SMAD6: variants seen among roughly 807,000 people sequenced by gnomAD.
SMAD6 encodes SMAD family member 6, also known as MAD homolog 6.
Under a neutral mutation model 39.4 loss-of-function variants are expected in SMAD6, and 103 were observed. That is an observed-to-expected ratio of 2.62 (90% CI 2.23 to 3.08). The LOEUF is 3.08. Ranked by LOEUF, SMAD6 falls within the 30% of genes most tolerant of loss-of-function variation. The probability of loss-of-function intolerance (pLI) is 0.00; values close to 1 mark genes in which losing one functional copy is unlikely to be tolerated. For missense variants in SMAD6, 1,104 were observed against 742.9 expected, an observed-to-expected ratio of 1.49 and a Z score of -5.65; for synonymous variants, 445 against 353.3, an observed-to-expected ratio of 1.26 and a Z score of -2.91.
rs764124420 is a variant in SMAD6 at position 66,781,391 on chromosome 15, G to C, written c.1347G>C (p.Ala449=). The change falls in exon 4 of 4, where the codon GCG becomes GCC. Residue 449 remains alanine, a synonymous_variant. Transcript: ENST00000288840. The part of the protein sequence containing the change: ...FDFERSGLQH[A]PEPDAADGPY... ...TCGAGCGCTCGGGCCTGCAGCACGC[G>C]CCCGAGCCCGACGCCGCCGACGGCC... 1 of 1,601,768 alleles carries C rather than the reference G, an allele frequency of 6.2e-7. No homozygotes were observed. Among genetic ancestry groups the C allele is most frequent in the Non-Finnish European group, 8.5e-7 (1 of 1,177,678 alleles).
intron 3 of SMAD6, among the ~76,000 whole-genome samples, chr15:66,743,813 T>A (rs992988188): frequency 1.3e-5 from 2 of 152,310 alleles, no homozygotes; most frequent in African/African-American, 4.8e-5. Context: ...GTTTTGTAGC[T>A]CTTTTCTCTT....
rs752656504 is a variant in SMAD6, at chr15:66,781,262, C to A, written c.1218C>A (p.Gly406=). The A allele has an allele frequency of 6.2e-7, 1 of 1,607,934 alleles. No homozygotes were observed. The highest frequency in any genetic ancestry group is 1.1e-5 in the South Asian group (1 of 91,056). ...ACGGCGTGTGGGCCTACAACCGCGG[C>A]GAGCACCCCATCTTCGTCAACTCCC... ...EPDGVWAYNR[G]EHPIFVNSPT... is the part of the protein sequence containing the mutation. Residue 406 remains glycine (G), a synonymous_variant, in exon 4 of 4, where the codon GGC becomes GGA. Transcript: ENST00000288840.
At chr15:66,776,131 G>A (rs960999519) in intron 3 of SMAD6, among the ~76,000 whole-genome samples, 2 of 152,206 alleles carry the variant, frequency 1.3e-5, no homozygotes, top group African/African-American at 4.8e-5. Context: ...CACTCACTGG[G>A]CACCTCTTTC....
At chr15:66,732,044 A>G (rs1305138193) in intron 3 of SMAD6, among the ~76,000 whole-genome samples, 2 of 151,286 alleles carry the variant, frequency 1.3e-5, no homozygotes, top group Non-Finnish European at 2.9e-5. Flanking sequence ...CCCGGGTTCA[A>G]GTGATTCTTG....
intron 3 of SMAD6, among the ~76,000 whole-genome samples, chr15:66,774,145 C>T (rs981361311): frequency 6.6e-6 from 1 of 152,184 alleles, no homozygotes; most frequent in African/African-American, 2.4e-5. Context: ...GAGTCCAAGG[C>T]AGTCTGGCCA....
chr15:66,776,323 A>G (rs1248370737), intron 3 of SMAD6, among the ~76,000 whole-genome samples: 1 of 152,236 alleles, frequency 6.6e-6, no homozygotes, highest in Non-Finnish European at 1.5e-5. Flanking sequence ...GAGCCCGTAA[A>G]CAAGGCACCT....
intron 3 of SMAD6, among the ~76,000 whole-genome samples, chr15:66,734,992 G>T (rs567201040): frequency 1.3e-5 from 2 of 152,222 alleles, no homozygotes; most frequent in African/African-American, 4.8e-5. Context: ...AGGTAGGACC[G>T]CCCAGGGTCC....
At chr15:66,779,754 GCT>G (rs1029321110) in intron 3 of SMAD6, among the ~76,000 whole-genome samples, 33 of 152,382 alleles carry the variant, frequency 2.2e-4, no homozygotes, top group African/African-American at 7.7e-4. Flanking sequence ...GCTTTGCTTT[GCT>G]CTGTCAAGCC....
intron 3 of SMAD6, among the ~76,000 whole-genome samples, chr15:66,749,059 C>G (rs1231912883): frequency 6.6e-6 from 1 of 152,180 alleles, no homozygotes; most frequent in Non-Finnish European, 1.5e-5. Flanking sequence ...TGTGGTGGTT[C>G]ATGCCTGTAA....
chr15:66,735,254 G>C (rs182985695), intron 3 of SMAD6, among the ~76,000 whole-genome samples: 8 of 152,228 alleles, frequency 5.3e-5, no homozygotes, highest in African/African-American at 1.9e-4. Context: ...ATGGCCGGGT[G>C]CCTGCCTATT....
rs1595756885 is a variant in SMAD6 at position 66,703,671 on chromosome 15, C to T, written c.413C>T (p.Pro138Leu). 1 of 1,232,632 alleles carries T rather than the reference C, an allele frequency of 8.1e-7. No individual in the cohort carries two copies. Among genetic ancestry groups the T allele is most frequent in the Non-Finnish European group, 1.0e-6 (1 of 987,092 alleles). 76.4% of individuals were successfully genotyped at this position (1,232,632 alleles called of 1,614,324 possible). ...TCGGAGCGGGACGCCGCCGGCGCGC[C>T]CCGGGACGCCAGCGACCCCCTGGCC... ...LFSERDAAGA[P>L]RDASDPLAGA... The change falls in exon 1 of 4, where the codon CCC becomes CTC. Residue 138 changes from proline to leucine, a missense_variant. Coordinates refer to ENST00000288840, the MANE Select transcript of SMAD6 (RefSeq NM_005585.5).
Position 66,702,590 on chromosome 15 carries a change from C to A in SMAD6, c.-669C>A, listed in dbSNP as rs1204622583. ...GCTTCCACTCATGTGTTGACACCCG[C>A]GTCCAGGAGAAACTCGCTCCAAGTG... On this transcript the variant is annotated 5_prime_UTR_variant, in exon 1 of 4. Transcript: ENST00000288840. 1 of 152,530 alleles carries A rather than the reference C, an allele frequency of 6.6e-6. No individual in the cohort carries two copies. Among genetic ancestry groups the A allele is most frequent in the African/African-American group, 2.4e-5 (1 of 41,400 alleles). 9.4% of individuals were successfully genotyped at this position (152,530 alleles called of 1,614,324 possible). A position where few individuals can be genotyped will look rare whatever the true frequency, so the allele number is the denominator to read the frequency against.
chr15:66,715,334 C>CT (rs1310369112), intron 2 of SMAD6, among the ~76,000 whole-genome samples: 1 of 150,754 alleles, frequency 6.6e-6, no homozygotes, highest in Non-Finnish European at 1.5e-5. Flanking sequence ...TATCTTCCTG[C>CT]TCCCCAAGCC....
At chr15:66,716,032 C>T (rs1297409525) in intron 2 of SMAD6, among the ~76,000 whole-genome samples, 1 of 152,130 alleles carries the variant, frequency 6.6e-6, no homozygotes, top group South Asian at 2.1e-4. Context: ...GAAGGAACAA[C>T]TTCAAGAATT....
intron 3 of SMAD6, among the ~76,000 whole-genome samples, chr15:66,763,475 C>G (rs1211065511): frequency 2.6e-5 from 4 of 152,222 alleles, no homozygotes; most frequent in Admixed American, 2.6e-4. Context: ...TCTCCTTGAG[C>G]TGGAGCAGCC....
At chr15:66,717,325 C>A in intron 3 of SMAD6, 1 of 459,248 alleles carries the variant, frequency 2.2e-6, no homozygotes, top group Non-Finnish European at 4.4e-6. Flanking sequence ...ATTCTTCCCT[C>A]ACCCCACATC....
chr15:66,781,354 A>C lies in SMAD6; in HGVS notation c.1310A>C (p.Lys437Thr). The C allele has an allele frequency of 6.2e-7, 1 of 1,600,072 alleles. No individual in the cohort carries two copies. The highest frequency in any genetic ancestry group is 8.5e-7 in the Non-Finnish European group (1 of 1,175,596). ...AAGGTGCCCCCCGGCTACTCCATCA[A>C]GGTGTTCGACTTCGAGCGCTCGGGC... ...VRKVPPGYSI[K>T]VFDFERSGLQ... is the part of the protein sequence containing the mutation. Residue 437 changes from lysine (K) to threonine (T), a missense_variant, in exon 4 of 4, where the codon AAG (lysine) becomes ACG (threonine). Physicochemically the swap from Lys to Thr is moderately conservative, Grantham distance 78. Coordinates refer to ENST00000288840, the MANE Select transcript of SMAD6 (RefSeq NM_005585.5).
rs976407320 is a variant in SMAD6 at position 66,781,476 on chromosome 15, C to G, written c.1432C>G (p.Arg478Gly). The G allele has an allele frequency of 1.3e-6, 2 of 1,599,644 alleles. No homozygotes were observed. The highest frequency in any genetic ancestry group is 1.7e-6 in the Non-Finnish European group (2 of 1,175,268). The change falls in exon 4 of 4, where the codon CGG (arginine) becomes GGG (glycine). Residue 478 changes from arginine (R) to glycine (G), a missense_variant. Coordinates refer to ENST00000288840, the MANE Select transcript of SMAD6 (RefSeq NM_005585.5). ...CAAGGGCTGGGGGCCCTGCTACTCC[C>G]GGCAGTTCATCACCTCCTGCCCCTG... ...FAKGWGPCYS[R>G]QFITSCPCWL...
At chr15:66,710,429 T>C (rs1050849243) in intron 1 of SMAD6, among the ~76,000 whole-genome samples, 1 of 152,210 alleles carries the variant, frequency 6.6e-6, no homozygotes, top group African/African-American at 2.4e-5. Context: ...AGCTTTGACT[T>C]TGTTGGAAGT....
Sources: allele counts gnomAD v4.1 joint callset (sites outside exome capture counted in the v4.1 genomes callset), GRCh38; gene constraint gnomAD v4.1.1; transcripts MANE v1.5; gene names NCBI Gene and HGNC (gene_info 2026-07-23, HGNC 2026-07-21).